The following WDR49 variants were observed in gnomAD, a reference collection of about 807,000 sequenced individuals.
WDR49 encodes WD repeat domain 49.
Under a neutral mutation model 119.5 loss-of-function variants are expected in WDR49, and 107 were observed. The ratio of observed to expected loss-of-function variants is 0.90; its 90% CI spans 0.77 to 1.05. The LOEUF is 1.05. Ranked by LOEUF, WDR49 falls within the 50% of genes least tolerant of loss-of-function variation. The pLI, the probability that WDR49 is intolerant of heterozygous loss-of-function variation, is 0.00. For missense variants in WDR49, 1,240 were observed against 1,220.5 expected (o/e 1.02, Z -0.24); for synonymous variants, 425 against 418.8 (o/e 1.01, Z -0.18).
At chr3:167,506,977 T>A (rs1412302030) in intron 16 of WDR49, among the ~76,000 whole-genome samples, 1 of 152,158 alleles carries the variant, frequency 6.6e-6, no homozygotes, top group Non-Finnish European at 1.5e-5. Flanking sequence ...TCTTATTGCA[T>A]CAAACCAAGG....
chr3:167,628,851 C>G (rs548913046), intron 2 of WDR49, among the ~76,000 whole-genome samples: 2 of 152,124 alleles, frequency 1.3e-5, no homozygotes, highest in African/African-American at 4.8e-5. Context: ...TGCCTGGCTT[C>G]AAAGCTTCAA....
intron 7 of WDR49, among the ~76,000 whole-genome samples, chr3:167,577,090 A>G (rs1714287485): frequency 6.6e-6 from 1 of 152,216 alleles, no homozygotes; most frequent in African/African-American, 2.4e-5. Flanking sequence ...TGCATTTACC[A>G]ATGGATAGTA....
chr3:167,498,073 C>T (rs1191094841), intron 18 of WDR49, among the ~76,000 whole-genome samples: 2 of 152,028 alleles, frequency 1.3e-5, no homozygotes, highest in African/African-American at 2.4e-5. Flanking sequence ...ATCTCCTGAC[C>T]TCTTGATCCA....
At chr3:167,515,316 T>C (rs929036734) in intron 16 of WDR49, among the ~76,000 whole-genome samples, 4 of 152,174 alleles carry the variant, frequency 2.6e-5, no homozygotes, top group Admixed American at 6.5e-5. Context: ...ATCCCCAGGA[T>C]TCAAGGCTGA....
chr3:167,631,479 G>A (rs916786346), intron 2 of WDR49, among the ~76,000 whole-genome samples: 5 of 151,970 alleles, frequency 3.3e-5, no homozygotes, highest in African/African-American at 4.8e-5. Flanking sequence ...GAAGTGCCAC[G>A]AGTATTGATT....
Position 167,478,780 on chromosome 3 carries a change from A to C in WDR49, c.*98T>G. On this transcript the variant is annotated 3_prime_UTR_variant, in exon 19 of 19. Transcript: ENST00000682715. ...ATCCCATGAAGAGAAAACTTCCTGA[A>C]GTTTAAATATAAAATAAAATAAAAG... The C allele has an allele frequency of 1.2e-6, 1 of 804,260 alleles. No homozygotes were observed. 49.8% of individuals were successfully genotyped at this position (804,260 alleles called of 1,614,324 possible). A position where few individuals can be genotyped will look rare whatever the true frequency, so the allele number is the denominator to read the frequency against.
intron 2 of WDR49, among the ~76,000 whole-genome samples, chr3:167,638,657 T>G (rs1717731898): frequency 6.6e-6 from 1 of 151,594 alleles, no homozygotes; most frequent in African/African-American, 2.4e-5. Flanking sequence ...AATGAACATT[T>G]ATGAGAAAGT....
chr3:167,499,996 A>G (rs1018259505), intron 18 of WDR49, among the ~76,000 whole-genome samples, 157 bp downstream of exon 18: 5 of 152,220 alleles, frequency 3.3e-5, no homozygotes, highest in Non-Finnish European at 7.3e-5. Flanking sequence ...AGCACACTTC[A>G]GCAGCTGAAC....
Position 167,522,431 on chromosome 3 carries a change from A to G in WDR49, c.2658T>C (p.Asn886=). Residue 886 remains asparagine, a synonymous_variant, in exon 16 of 19, where the codon AAT becomes AAC. Coordinates refer to ENST00000682715, the MANE Select transcript of WDR49 (RefSeq NM_001366157.1). ...NCLFLPKRDT[N]LVESEIQKEI... ...CCTTTTGAATCTCACTTTCCACTAA[A>G]TTAGTATCTCTTTTAGGAAGGAAAA... 6.2e-7 allele frequency: 1 copy of G among 1,611,314 alleles called. No individual in the cohort carries two copies. The highest frequency in any genetic ancestry group is 1.1e-5 in the South Asian group (1 of 90,486).
At chr3:167,638,142 T>C (rs1717710575) in intron 2 of WDR49, among the ~76,000 whole-genome samples, 1 of 151,600 alleles carries the variant, frequency 6.6e-6, no homozygotes, top group Admixed American at 6.6e-5. Context: ...CCTTTAAGCA[T>C]GCTGAAACAT....
rs1714231492 is a variant in WDR49, at chr3:167,576,005, C to A, written c.1422G>T (p.Leu474Phe). ...TGCTGGCTTCACTTTTCATTGCCAACAATGCTAGCTGGTTATTAAACGAGA... is the reference window on the plus strand; with the variant it reads ...TGCTGGCTTCACTTTTCATTGCCAAAAATGCTAGCTGGTTATTAAACGAGA... ...LFISFNNQLALLAMKSEASKR... is the reference protein window; with the variant it reads ...LFISFNNQLAFLAMKSEASKR... Residue 474 changes from leucine (L) to phenylalanine (F), a missense_variant, in exon 8 of 19, where the codon TTG becomes TTT. Transcript: ENST00000682715. 6.2e-7 allele frequency: 1 copy of A among 1,614,116 alleles called. No homozygotes were observed. Among genetic ancestry groups the A allele is most frequent in the African/African-American group, 1.3e-5 (1 of 75,024 alleles).
chr3:167,502,284 C>T (rs1200787565), intron 17 of WDR49, among the ~76,000 whole-genome samples: 1 of 152,160 alleles, frequency 6.6e-6, no homozygotes, highest in Non-Finnish European at 1.5e-5. Flanking sequence ...GAACCGTGAT[C>T]CAATTAAACC....
rs1752697540 is a variant in WDR49 at position 167,528,005 on chromosome 3, T to G, written c.2419A>C (p.Asn807His). Residue 807 changes from asparagine (N) to histidine (H), a missense_variant, in exon 15 of 19, where the codon AAC becomes CAC. Physicochemically the swap from Asn to His is moderately conservative, Grantham distance 68. Coordinates refer to ENST00000682715, the MANE Select transcript of WDR49 (RefSeq NM_001366157.1). The part of the protein sequence containing the change: ...KIWNIEEYCL[N>H]SSKNKITKAP... The stretch of plus-strand genomic sequence containing the variant: ...TTGGTGATTTTGTTCTTACTGGAGT[T>G]AAGACAGTACTCCTGAATGAAAAGA... 5.6e-6 allele frequency: 9 copies of G among 1,612,448 alleles called. No homozygotes were observed. Among genetic ancestry groups the G allele is most frequent in the Non-Finnish European group, 7.6e-6 (9 of 1,179,000 alleles).
At chr3:167,633,088 C>CGTGT (rs3061397) in intron 2 of WDR49, among the ~76,000 whole-genome samples, 5,801 of 147,040 alleles carry the variant, frequency 0.039, 141 homozygotes, top group South Asian at 0.061. Context: ...TAGCCAAACT[C>CGTGT]GTGTGTGTGT....
In WDR49 at chr3:167,554,747, C is replaced by A. The variant is rs1712822682; in HGVS notation, c.1726G>T (p.Gly576Ter). Residue 576 changes from glycine to a stop codon, truncating the protein, a stop_gained, in exon 10 of 19, where the codon GGA (glycine) becomes TGA (stop). Coordinates refer to ENST00000682715, the MANE Select transcript of WDR49 (RefSeq NM_001366157.1). LOFTEE classifies it high-confidence loss of function. ...AGGATTTGTGAAATATCCACAGCTC[C>A]ATCTTGCCCAACATTTAGTGTATGG... ...CHHTLNVGQD[G>*]AVDISQILIL... 1 of 1,613,408 alleles carries A rather than the reference C, an allele frequency of 6.2e-7. No individual in the cohort carries two copies. The highest frequency in any genetic ancestry group is 1.1e-5 in the South Asian group (1 of 90,956).
At chr3:167,559,384 G>A (rs986432018) in intron 9 of WDR49, among the ~76,000 whole-genome samples, 4 of 152,100 alleles carry the variant, frequency 2.6e-5, no homozygotes, top group Non-Finnish European at 4.4e-5. Context: ...GGCTGAGGGG[G>A]GCAGAGAAGA....
chr3:167,605,216 T>G (rs1380300725), intron 5 of WDR49, among the ~76,000 whole-genome samples: 1 of 152,154 alleles, frequency 6.6e-6, no homozygotes, highest in African/African-American at 2.4e-5. Flanking sequence ...TTCCTTTTCC[T>G]CTGATCTATT....
At chr3:167,536,130 T>A (rs146183566) in intron 11 of WDR49, among the ~76,000 whole-genome samples, 2 of 152,186 alleles carry the variant, frequency 1.3e-5, no homozygotes, top group East Asian at 1.9e-4. Context: ...GCTAGTTATA[T>A]GGGAGGAATG....
chr3:167,650,295 A>G (rs1718315566), intron 2 of WDR49, among the ~76,000 whole-genome samples: 1 of 152,218 alleles, frequency 6.6e-6, no homozygotes, highest in Non-Finnish European at 1.5e-5. Context: ...TCAAAATAAT[A>G]TGAGCATCCA....
Sources: allele counts gnomAD v4.1 joint callset (sites outside exome capture counted in the v4.1 genomes callset), GRCh38; gene constraint gnomAD v4.1.1; transcripts MANE v1.5; gene names NCBI Gene and HGNC (gene_info 2026-07-23, HGNC 2026-07-21).